ESPN: variants seen among roughly 807,000 people sequenced by gnomAD.
ESPN encodes espin, also known as autosomal recessive deafness type 36 protein.
A neutral mutation model predicts 77.7 loss-of-function variants in ESPN; 68 were observed. The ratio of observed to expected loss-of-function variants is 0.87; its 90% CI spans 0.72 to 1.07. The LOEUF (loss-of-function observed/expected upper bound fraction) is 1.07, where lower values mean the gene tolerates loss of function less well. Ranked by LOEUF, ESPN falls within the 50% of genes least tolerant of loss-of-function variation. The pLI is 0.00. For synonymous variants in ESPN, 449 were observed against 567.1 expected, an observed-to-expected ratio of 0.79 and a Z score of 2.96; for missense variants, 1,060 against 1,239.0, an observed-to-expected ratio of 0.86 and a Z score of 2.17.
chr1:6,452,897 A>ATTTTATT lies in ESPN; in HGVS notation c.2325+805_2325+806insATTTTTT, dbSNP rs1553169575. ...TATTCCCCAAATGCCATTTATTTTT[A>ATTTTATT]TTTTTTATTTTTTGAGACAGGGTCT... On this transcript the variant is annotated intron_variant, in intron 10 of 12. Coordinates refer to ENST00000645284, the MANE Select transcript of ESPN (RefSeq NM_031475.3). Among the ~76,000 whole-genome samples, 65 of 138,808 alleles carry ATTTTATT rather than the reference A, an allele frequency of 4.7e-4. 1 individual carries two copies. Among genetic ancestry groups the ATTTTATT allele is most frequent in the African/African-American group, 1.9e-3 (57 of 29,294 alleles). 91.1% of individuals were successfully genotyped at this position (138,808 alleles called of 152,430 possible). A position where few individuals can be genotyped will look rare whatever the true frequency, so the allele number is the denominator to read the frequency against.
At chr1:6,436,443 A>G (rs1343321801) in intron 2 of ESPN, among the ~76,000 whole-genome samples, 1 of 151,514 alleles carries the variant, frequency 6.6e-6, no homozygotes. Flanking sequence ...TACTATTATT[A>G]CTTTTATTAA....
At chr1:6,458,812 T>C (rs1644099048) in intron 12 of ESPN, among the ~76,000 whole-genome samples, 1 of 150,164 alleles carries the variant, frequency 6.7e-6, no homozygotes, top group African/African-American at 2.5e-5. Context: ...ATGCCTGTAA[T>C]CCCAGCTACT....
chr1:6,427,413 G>A lies in ESPN; in HGVS notation c.295-813G>A, dbSNP rs951457015. 1.1e-4 allele frequency among the ~76,000 whole-genome samples: 16 copies of A among 152,168 alleles called. No homozygotes were observed. Among genetic ancestry groups the A allele is most frequent in the Non-Finnish European group, 4.4e-5 (3 of 68,028 alleles). On this transcript the variant is annotated intron_variant, in intron 1 of 12. Coordinates refer to ENST00000645284, the MANE Select transcript of ESPN (RefSeq NM_031475.3). This position sits in a 1 kb window ranked among gnomAD's most constrained non-coding sequence, Gnocchi z 4.6. ...TTTCTCAGCAGACACACACAATGGGGTGTGCACTGATGACACATTCAGCAG... is the reference window on the plus strand; with the variant it reads ...TTTCTCAGCAGACACACACAATGGGATGTGCACTGATGACACATTCAGCAG...
downstream of ESPN, chr1:6,461,240 T>C: frequency 1.3e-6 from 1 of 758,800 alleles, no homozygotes; most frequent in Non-Finnish European, 2.4e-6. The surrounding 1 kb of genome is among the most constrained non-coding windows in gnomAD (Gnocchi z 6.3). Context: ...CTTCACCCCC[T>C]CTCGACATTC....
rs964148504 is a variant in ESPN at position 6,427,023 on chromosome 1, G to A, written c.295-1203G>A. Among the ~76,000 whole-genome samples the A allele has an allele frequency of 6.6e-6, 1 of 151,910 alleles. No homozygotes were observed. Among genetic ancestry groups the A allele is most frequent in the Non-Finnish European group, 1.5e-5 (1 of 67,980 alleles). The stretch of plus-strand genomic sequence containing the variant: ...GGCCCCGGCGCCCCCAGCTCCCTCC[G>A]TGCCCTCTTTTCCTTGCATTTCTCA... On this transcript the variant is annotated intron_variant, in intron 1 of 12. Coordinates refer to ENST00000645284, the MANE Select transcript of ESPN (RefSeq NM_031475.3). This position sits in a 1 kb window ranked among gnomAD's most constrained non-coding sequence, Gnocchi z 4.6.
At chr1:6,436,482 CTTATTTATTTAT>C (rs59014273) in intron 2 of ESPN, among the ~76,000 whole-genome samples, 25 of 145,166 alleles carry the variant, frequency 1.7e-4, no homozygotes, top group South Asian at 1.3e-3. Context: ...GGAATTTTTT[CTTATTTATTTAT>C]TTATTTATTT....
chr1:6,448,535 C>A, intron 7 of ESPN, 106 bp from the exon 8 acceptor site: 2 of 1,019,438 alleles, frequency 2.0e-6, no homozygotes, highest in Middle Eastern at 3.0e-4. Flanking sequence ...CACCCCTCGA[C>A]GGCCGCTGGC....
At chr1:6,456,506 C>T (rs1644060654) in intron 10 of ESPN, 1 of 221,500 alleles carries the variant, frequency 4.5e-6, no homozygotes, top group Non-Finnish European at 8.7e-6. Flanking sequence ...GGCTGCGGCT[C>T]CTCCTTGCGG....
Position 6,451,631 on chromosome 1 carries a change from G to T in ESPN, c.1944G>T (p.Pro648=). 2 of 1,613,208 alleles carry T rather than the reference G, an allele frequency of 1.2e-6. No individual in the cohort carries two copies. The highest frequency in any genetic ancestry group is 8.5e-7 in the Non-Finnish European group (1 of 1,179,914). The change falls in exon 9 of 13, where the codon CCG becomes CCT. Residue 648 remains proline, a synonymous_variant. Coordinates refer to ENST00000645284, the MANE Select transcript of ESPN (RefSeq NM_031475.3). The surrounding 1 kb of genome is among the most constrained non-coding windows in gnomAD (Gnocchi z 4.3). ...CCAAGTCTTTCAACATGATGTCCCC[G>T]ACGGGCGACAACTCGGAGCTACTGG... ...GSTKSFNMMS[P]TGDNSELLAE...
chr1:6,448,330 C>T (rs921515779), intron 7 of ESPN: 7 of 327,442 alleles, frequency 2.1e-5, no homozygotes, highest in African/African-American at 1.1e-4. Context: ...TCGCCAGCTC[C>T]CCCTGGCGTC....
intron 2 of ESPN, among the ~76,000 whole-genome samples, chr1:6,438,060 A>T (rs1290018811): frequency 6.6e-6 from 1 of 151,882 alleles, no homozygotes; most frequent in Non-Finnish European, 1.5e-5. Flanking sequence ...AGGGGGTGAA[A>T]CACTGGGGGA....
At chr1:6,444,412 G>A (rs1643750327) in intron 5 of ESPN, 69 bp from the exon 6 acceptor site, 2 of 1,513,390 alleles carry the variant, frequency 1.3e-6, no homozygotes, top group South Asian at 2.3e-5. Flanking sequence ...GACTGAGTAG[G>A]ACCCTGGCCT....
intron 10 of ESPN, chr1:6,454,466 C>A: frequency 2.5e-6 from 1 of 398,976 alleles, no homozygotes; most frequent in East Asian, 3.6e-5. Flanking sequence ...GCTACCCCCG[C>A]GAGGGCTGGA....
chr1:6,459,111 C>T (rs1451734130), intron 12 of ESPN, among the ~76,000 whole-genome samples: 1 of 151,902 alleles, frequency 6.6e-6, no homozygotes, highest in African/African-American at 2.4e-5. Flanking sequence ...CATGGTGGCA[C>T]GCTCCTGTAA....
intron 5 of ESPN, among the ~76,000 whole-genome samples, chr1:6,443,532 GGCA>G (rs1322107764): frequency 1.3e-5 from 2 of 152,248 alleles, no homozygotes; most frequent in Non-Finnish European, 2.9e-5. Flanking sequence ...TCCTGCGGTA[GGCA>G]GCAGGGCCTG....
Position 6,460,552 on chromosome 1 carries a change from C to T in ESPN, c.*406C>T, listed in dbSNP as rs1454176069. ...CACCCCGGAACCGGCGTCGCTGGCG[C>T]ATCCTGGGTGGAGGCAGGCCCCGAG... On this transcript the variant is annotated 3_prime_UTR_variant, in exon 13 of 13. Coordinates refer to ENST00000645284, the MANE Select transcript of ESPN (RefSeq NM_031475.3). 5.5e-6 allele frequency: 1 copy of T among 180,342 alleles called. No homozygotes were observed. Among genetic ancestry groups the T allele is most frequent in the East Asian group, 1.6e-4 (1 of 6,348 alleles). 11.2% of individuals were successfully genotyped at this position (180,342 alleles called of 1,614,324 possible). A position where few individuals can be genotyped will look rare whatever the true frequency, so the allele number is the denominator to read the frequency against.
At chr1:6,442,489 G>A (rs533231155) in intron 5 of ESPN, among the ~76,000 whole-genome samples, 1 of 151,288 alleles carries the variant, frequency 6.6e-6, no homozygotes, top group East Asian at 1.9e-4. Context: ...CAGGAAAATC[G>A]CTTGAACCCA....
intron 1 of ESPN, among the ~76,000 whole-genome samples, chr1:6,425,545 G>A (rs1047252954): frequency 2.0e-5 from 3 of 152,252 alleles, no homozygotes; most frequent in South Asian, 4.1e-4. Context: ...GAGAAGCAAA[G>A]CACTGATCCT....
At chr1:6,456,915 A>T (rs1242541863) in intron 10 of ESPN, among the ~76,000 whole-genome samples, 1 of 151,558 alleles carries the variant, frequency 6.6e-6, no homozygotes, top group Non-Finnish European at 1.5e-5. Context: ...CAGGCTCAGG[A>T]CCTCTGGGTC....
Sources: gnomAD v4.1 joint callset for allele counts (sites outside exome capture counted in the v4.1 genomes callset) on GRCh38, gnomAD v4.1.1 for gene constraint, Gnocchi (gnomAD v3.1) non-coding constraint, MANE v1.5 for transcripts, NCBI Gene and HGNC (gene_info 2026-07-23, HGNC 2026-07-21) for gene names.